CEP43: variants seen among roughly 807,000 people sequenced by gnomAD.
CEP43 encodes centrosomal protein 43.
CEP43 carries 36 observed loss-of-function variants against 52.6 expected under a neutral mutation model. The observed-to-expected ratio is 0.68, with a 90% CI of 0.52 to 0.90. CEP43 has a LOEUF of 0.90. Among genes scored for constraint, CEP43 ranks in the 40% least tolerant of loss-of-function variants. The probability of loss-of-function intolerance (pLI) is 0.00; values close to 1 mark genes in which losing one functional copy is unlikely to be tolerated. For missense variants in CEP43, 506 were observed against 472.8 expected (o/e 1.07, Z -0.65); for synonymous variants, 192 against 172.4 (o/e 1.11, Z -0.89).
intron 3 of CEP43, 25 bp from the exon 4 acceptor site, chr6:167,003,698 C>G (rs1779788976): frequency 1.2e-5 from 18 of 1,480,106 alleles, no homozygotes; most frequent in Non-Finnish European, 1.7e-5. Context: ...GATTTGCTTA[C>G]TTACCTTTTT....
At chr6:167,009,536 G>T (rs892126313) in intron 5 of CEP43, among the ~76,000 whole-genome samples, 57 of 136,738 alleles carry the variant, frequency 4.2e-4, no homozygotes, top group Non-Finnish European at 7.2e-4. Context: ...AAAATACAAG[G>T]AATTAGCTGG....
Position 167,004,145 on chromosome 6 carries a change from T to C in CEP43, c.301-119T>C, listed in dbSNP as rs1779799422. 8 of 1,081,116 alleles carry C rather than the reference T, an allele frequency of 7.4e-6. No individual in the cohort carries two copies. In the East Asian group the frequency reaches 1.8e-4, roughly 25 times the overall value. The allele number at this position is 1,081,116 out of a possible 1,614,324, so 67.0% of individuals were successfully genotyped here. ...TTTTTTAAAATAGACATTTCATTCA[T>C]TAGTAAGACAGTCTCTTTGAGTTTA... On this transcript the variant is annotated intron_variant, in intron 4 of 12. Coordinates refer to ENST00000366847, the MANE Select transcript of CEP43 (RefSeq NM_007045.4).
chr6:167,036,674 C>A (rs1780591421), intron 12 of CEP43: 27 of 984,544 alleles, frequency 2.7e-5, no homozygotes, highest in Non-Finnish European at 3.3e-5. Flanking sequence ...TTTCAAGACT[C>A]AAAATGTACG....
rs888599718 is a variant in CEP43, at chr6:167,043,822, G to A, written c.*3844G>A. The A allele has an allele frequency of 2.0e-5, 3 of 152,188 alleles. No individual in the cohort carries two copies. Among genetic ancestry groups the A allele is most frequent in the African/African-American group, 7.2e-5 (3 of 41,446 alleles). The allele number at this position is 152,188 out of a possible 1,614,324, so 9.4% of individuals were successfully genotyped here. A position where few individuals can be genotyped will look rare whatever the true frequency, so the allele number is the denominator to read the frequency against. On this transcript the variant is annotated 3_prime_UTR_variant, in exon 13 of 13. Transcript: ENST00000366847. The stretch of plus-strand genomic sequence containing the variant: ...TTTAAGGAAAGTGAATGTATGTCAT[G>A]AAAGACAGATGAACAAAGAACTGAT...
In CEP43 at chr6:167,010,877, A is replaced by G; in HGVS notation, c.503A>G (p.Gln168Arg). Residue 168 changes from glutamine (Q) to arginine (R), a missense_variant, in exon 6 of 13, where the codon CAG becomes CGG. Coordinates refer to ENST00000366847, the MANE Select transcript of CEP43 (RefSeq NM_007045.4). ...TCACCAGAGGGAAAAACAAGTGCAC[A>G]GACAACACCAAGTAAGGTGAGTTAG... ...PKSPEGKTSAQTTPSKIPRYK... is the reference protein window; with the variant it reads ...PKSPEGKTSARTTPSKIPRYK... The G allele has an allele frequency of 6.3e-7, 1 of 1,597,572 alleles. No individual in the cohort carries two copies. Among genetic ancestry groups the G allele is most frequent in the Non-Finnish European group, 8.5e-7 (1 of 1,171,764 alleles).
At position 167,041,884 on chromosome 6, in the gene CEP43, T is replaced by C. The variant is rs1217250988; in HGVS notation, c.*1906T>C. 1.5e-4 allele frequency: 122 copies of C among 833,798 alleles called. No individual in the cohort carries two copies. The highest frequency in any genetic ancestry group is 2.2e-4 in the South Asian group (4 of 17,944). The allele number at this position is 833,798 out of a possible 1,614,324, so 51.6% of individuals were successfully genotyped here. A position where few individuals can be genotyped will look rare whatever the true frequency, so the allele number is the denominator to read the frequency against. Reference sequence around the variant, plus strand: ...TGTCACTCAGACTGGAGTACAGTGATGCGATCTCGGCTCACTGCAACCTCC... The same window carrying C: ...TGTCACTCAGACTGGAGTACAGTGACGCGATCTCGGCTCACTGCAACCTCC... On this transcript the variant is annotated 3_prime_UTR_variant, in exon 13 of 13. Transcript: ENST00000366847.
chr6:167,021,272 G>C (rs1780226278), intron 7 of CEP43, among the ~76,000 whole-genome samples: 2 of 152,114 alleles, frequency 1.3e-5, no homozygotes, highest in African/African-American at 4.8e-5. Flanking sequence ...TAGCTTAATA[G>C]CATAAATATT....
intron 7 of CEP43, among the ~76,000 whole-genome samples, chr6:167,021,924 T>C (rs551107205): frequency 2.6e-5 from 4 of 152,354 alleles, no homozygotes; most frequent in African/African-American, 9.6e-5. Context: ...ATGACTACTT[T>C]AATGCTTGGT....
chr6:167,020,512 C>T (rs9457253), intron 7 of CEP43, among the ~76,000 whole-genome samples: 6 of 152,230 alleles, frequency 3.9e-5, no homozygotes, highest in Non-Finnish European at 7.3e-5. Flanking sequence ...TTAATTCTTT[C>T]TCAGCCATCC....
chr6:167,010,943 T>C (rs753516750), intron 6 of CEP43, 50 bp downstream of exon 6: 1 of 1,062,976 alleles, frequency 9.4e-7, no homozygotes, highest in South Asian at 1.5e-5. Context: ...AACTCCAGAG[T>C]GCTCTGCTTT....
At chr6:167,020,617 A>G (rs1427585668) in intron 7 of CEP43, among the ~76,000 whole-genome samples, 1 of 152,168 alleles carries the variant, frequency 6.6e-6, no homozygotes, top group Non-Finnish European at 1.5e-5. Flanking sequence ...TTAAGATTAC[A>G]CGGGCCATGT....
At chr6:167,022,000 A>G (rs1562528993) in intron 7 of CEP43, among the ~76,000 whole-genome samples, 1 of 152,206 alleles carries the variant, frequency 6.6e-6, no homozygotes, top group African/African-American at 2.4e-5. Context: ...TTTCAAGTTG[A>G]AAATGTATTA....
Position 167,040,181 on chromosome 6 carries a change from A to G in CEP43, c.*203A>G. 6.5e-7 allele frequency: 1 copy of G among 1,531,476 alleles called. No individual in the cohort carries two copies. Among genetic ancestry groups the G allele is most frequent in the Non-Finnish European group, 8.7e-7 (1 of 1,144,304 alleles). The allele number at this position is 1,531,476 out of a possible 1,614,324, so 94.9% of individuals were successfully genotyped here. A position where few individuals can be genotyped will look rare whatever the true frequency, so the allele number is the denominator to read the frequency against. ...TTTGAGCCCATGTGTGGAAGATTTA[A>G]TATTCTTAATTTAACTGTACATTTC... On this transcript the variant is annotated 3_prime_UTR_variant, in exon 13 of 13. Coordinates refer to ENST00000366847, the MANE Select transcript of CEP43 (RefSeq NM_007045.4).
At chr6:167,011,622 G>A (rs1779987855) in intron 6 of CEP43, 1 of 152,330 alleles carries the variant, frequency 6.6e-6, no homozygotes, top group African/African-American at 2.4e-5. Flanking sequence ...GTCTGTCTTA[G>A]TCTGTTCAGG....
At position 167,039,971 on chromosome 6, in the gene CEP43, T is replaced by C; in HGVS notation, c.1193T>C (p.Val398Ala). 6.2e-7 allele frequency: 1 copy of C among 1,614,032 alleles called. No individual in the cohort carries two copies. Among genetic ancestry groups the C allele is most frequent in the Non-Finnish European group, 8.5e-7 (1 of 1,179,970 alleles). ...LSDVADYLEDVA is the reference protein window; with the variant it reads ...LSDVADYLEDAA ...GATGTTGCGGATTATCTGGAAGATGTTGCATAGACACGAAGAAGGAAGTAT... is the reference window on the plus strand; with the variant it reads ...GATGTTGCGGATTATCTGGAAGATGCTGCATAGACACGAAGAAGGAAGTAT... The change falls in exon 13 of 13, where the codon GTT (valine) becomes GCT (alanine). Residue 398 changes from valine to alanine, a missense_variant. Coordinates refer to ENST00000366847, the MANE Select transcript of CEP43 (RefSeq NM_007045.4).
At chr6:167,007,316 G>T (rs1475244300) in intron 5 of CEP43, among the ~76,000 whole-genome samples, 3 of 152,122 alleles carry the variant, frequency 2.0e-5, no homozygotes, top group Admixed American at 1.3e-4. Flanking sequence ...GTGGATTTGA[G>T]GCCTCCCCTG....
In CEP43 at chr6:167,042,225, TTGAAGA is replaced by T; in HGVS notation, c.*2250_*2255del. On this transcript the variant is annotated 3_prime_UTR_variant, in exon 13 of 13. Transcript: ENST00000366847. ...ATTAGGTATTATCAACTTATGAAAC[TTGAAGA>T]TGTGAAGTGACAGGTTTTGCATGTG... 9.9e-7 allele frequency: 1 copy of T among 1,007,126 alleles called. No individual in the cohort carries two copies. The highest frequency in any genetic ancestry group is 7.3e-5 in the East Asian group (1 of 13,772). 62.4% of individuals were successfully genotyped at this position (1,007,126 alleles called of 1,614,324 possible).
chr6:167,000,972 C>T (rs1216698038), intron 2 of CEP43, among the ~76,000 whole-genome samples: 1 of 152,236 alleles, frequency 6.6e-6, no homozygotes, highest in East Asian at 1.9e-4. Context: ...TGCAAATTGG[C>T]AGGTACCAAC....
intron 6 of CEP43, among the ~76,000 whole-genome samples, chr6:167,012,365 A>C (rs2128660408): frequency 6.6e-6 from 1 of 151,520 alleles, no homozygotes; most frequent in South Asian, 2.1e-4. Flanking sequence ...CCTTTTTTTA[A>C]AATTTTTTTT....
Sources: gnomAD v4.1 joint callset for allele counts (sites outside exome capture counted in the v4.1 genomes callset) on GRCh38, gnomAD v4.1.1 for gene constraint, MANE v1.5 for transcripts, NCBI Gene and HGNC (gene_info 2026-07-23, HGNC 2026-07-21) for gene names.